Variants in MAP2K4 observed in about 807,000 individuals in gnomAD.
MAP2K4 encodes the protein dual specificity mitogen-activated protein kinase kinase 4.
In MAP2K4, 4 loss-of-function variants were observed where a neutral mutation model predicts 48.5. The ratio of observed to expected loss-of-function variants is 0.08; its 90% CI spans 0.04 to 0.19. MAP2K4 has a LOEUF of 0.19. MAP2K4 is among the 10% of genes least tolerant of loss of function. MAP2K4 has a pLI of 1.00. For synonymous variants in MAP2K4, 166 were observed against 173.1 expected, an observed-to-expected ratio of 0.96 and a Z score of 0.32; for missense variants, 258 against 493.3, an observed-to-expected ratio of 0.52 and a Z score of 4.52.
chr17:12,052,150 C>G (rs943035867), intron 1 of MAP2K4, among the ~76,000 whole-genome samples: 1 of 152,094 alleles, frequency 6.6e-6, no homozygotes, highest in African/African-American at 2.4e-5. Flanking sequence ...GTGCTAAGCT[C>G]GTTGGCACTT....
At chr17:12,066,229 A>G (rs894467666) in intron 2 of MAP2K4, among the ~76,000 whole-genome samples, 1 of 152,072 alleles carries the variant, frequency 6.6e-6, no homozygotes, top group Non-Finnish European at 1.5e-5. Context: ...CCCTTTAAAA[A>G]ATCAGTAGTA....
chr17:12,099,745 T>G (rs892908922), intron 4 of MAP2K4, among the ~76,000 whole-genome samples: 4 of 152,186 alleles, frequency 2.6e-5, no homozygotes, highest in African/African-American at 9.7e-5. Context: ...GAAGTAACTT[T>G]TAGCCTATAT....
At chr17:12,077,199 T>A (rs1272545505) in intron 2 of MAP2K4, among the ~76,000 whole-genome samples, 1 of 152,196 alleles carries the variant, frequency 6.6e-6, no homozygotes, top group Admixed American at 6.5e-5. Context: ...GGAAATACTT[T>A]TGGCCTGTTG....
chr17:12,078,425 G>A (rs1971081998), intron 2 of MAP2K4, among the ~76,000 whole-genome samples: 1 of 152,164 alleles, frequency 6.6e-6, no homozygotes, highest in Non-Finnish European at 1.5e-5. Flanking sequence ...TGGAGTATGT[G>A]AGATGTTTTG....
intron 1 of MAP2K4, among the ~76,000 whole-genome samples, chr17:12,029,408 A>G (rs1392547588): frequency 6.6e-6 from 1 of 152,222 alleles, no homozygotes; most frequent in Non-Finnish European, 1.5e-5. Context: ...AGGAAAAATG[A>G]AAAAGACTCA....
chr17:12,095,566 C>G lies in MAP2K4; in HGVS notation c.394-9C>G, dbSNP rs1310481189. The G allele has an allele frequency of 1.2e-6, 2 of 1,613,164 alleles. No individual in the cohort carries two copies. Among genetic ancestry groups the G allele is most frequent in the East Asian group, 2.2e-5 (1 of 44,796 alleles). On this transcript the variant is annotated splice_polypyrimidine_tract_variant and intron_variant, in intron 3 of 10. Coordinates refer to ENST00000353533, the MANE Select transcript of MAP2K4 (RefSeq NM_003010.4). Reference sequence around the variant, plus strand: ...TGTTTTTTTGACATCTTTTGTCATTCTTTTCCAGAGAATTCGGTCAACAGT... The same window carrying G: ...TGTTTTTTTGACATCTTTTGTCATTGTTTTCCAGAGAATTCGGTCAACAGT...
intron 4 of MAP2K4, among the ~76,000 whole-genome samples, chr17:12,104,822 A>G (rs917405255): frequency 1.3e-5 from 2 of 152,112 alleles, no homozygotes; most frequent in Non-Finnish European, 2.9e-5. Context: ...TTTTTTTCCT[A>G]TATAAAAGTC....
rs570680524 is a variant in MAP2K4 at position 12,091,516 on chromosome 17, T to G, written c.394-4059T>G. ...CTAAATTTGTGGCTGATCCAACCAA[T>G]GGCATGAGTTGGACTGACAGTTTTA... On this transcript the variant is annotated intron_variant, in intron 3 of 10. Coordinates refer to ENST00000353533, the MANE Select transcript of MAP2K4 (RefSeq NM_003010.4). 8.5e-5 allele frequency among the ~76,000 whole-genome samples: 13 copies of G among 152,348 alleles called. No individual in the cohort carries two copies. The South Asian group carries it at 2.7e-3, about 32-fold the overall frequency.
In MAP2K4 at chr17:12,141,066, T is replaced by C. The variant is rs3730340; in HGVS notation, c.1087-81T>C. The C allele has an allele frequency of 3.9e-3, 3,260 of 829,934 alleles. 50 individuals carry two copies. In the African/African-American group the frequency reaches 0.04, roughly 10 times the overall value. The allele number at this position is 829,934 out of a possible 1,614,324, so 51.4% of individuals were successfully genotyped here. ...ATGTGTGGTTGGGAGCCTGGAGTTC[T>C]ATGTTCTATAGAAATTGGAAAATGT... is the stretch of plus-strand genomic sequence containing the variant. On this transcript the variant is annotated intron_variant, in intron 10 of 10. Coordinates refer to ENST00000353533, the MANE Select transcript of MAP2K4 (RefSeq NM_003010.4).
intron 4 of MAP2K4, among the ~76,000 whole-genome samples, chr17:12,099,078 G>A (rs1297769454): frequency 6.6e-6 from 1 of 151,524 alleles, no homozygotes; most frequent in African/African-American, 2.4e-5. Flanking sequence ...TGTCTCCAAG[G>A]TCTCCAGTTC....
intron 1 of MAP2K4, among the ~76,000 whole-genome samples, chr17:12,030,948 T>C (rs1182959308): frequency 6.6e-6 from 1 of 152,196 alleles, no homozygotes; most frequent in Non-Finnish European, 1.5e-5. Context: ...TTCCTGAATG[T>C]AGTCAGCTCA....
chr17:12,032,420 C>A, intron 1 of MAP2K4: 1 of 409,954 alleles, frequency 2.4e-6, no homozygotes, highest in Non-Finnish European at 4.2e-6. Context: ...AAAGAGCTAC[C>A]ATTTTTCATT....
At chr17:12,127,160 A>G (rs554682829) in intron 8 of MAP2K4, among the ~76,000 whole-genome samples, 36 of 152,340 alleles carry the variant, frequency 2.4e-4, no homozygotes, top group African/African-American at 8.4e-4. Context: ...TTGAAGGCCA[A>G]CAGCTCACCT....
intron 9 of MAP2K4, among the ~76,000 whole-genome samples, chr17:12,136,850 A>C (rs1973227292): frequency 1.3e-5 from 2 of 152,122 alleles, no homozygotes. Flanking sequence ...AAAAATACTG[A>C]CAGAATGCTG....
intron 4 of MAP2K4, among the ~76,000 whole-genome samples, chr17:12,096,602 TA>T (rs1430019571): frequency 6.6e-6 from 1 of 152,240 alleles, no homozygotes; most frequent in Non-Finnish European, 1.5e-5. Context: ...CGAGTTGTTA[TA>T]AACTGGTAAG....
chr17:12,119,583 C>A lies in MAP2K4; in HGVS notation c.814-5711C>A, dbSNP rs569780242. Among the ~76,000 whole-genome samples, 306 of 152,270 alleles carry A rather than the reference C, an allele frequency of 2.0e-3. 1 individual carries two copies. The highest frequency in any genetic ancestry group is 7.1e-3 in the African/African-American group (295 of 41,558). On this transcript the variant is annotated intron_variant, in intron 7 of 10. Transcript: ENST00000353533. Reference sequence around the variant, plus strand: ...CATTGTGGAAAGCAGTGTGGTGATTCCTCAAAAAGCTAAAAACAGAATTGT... The same window carrying A: ...CATTGTGGAAAGCAGTGTGGTGATTACTCAAAAAGCTAAAAACAGAATTGT...
chr17:12,127,656 CAT>C, intron 8 of MAP2K4, among the ~76,000 whole-genome samples: 1 of 152,184 alleles, frequency 6.6e-6, no homozygotes, highest in Non-Finnish European at 1.5e-5. Context: ...TATTTTATGA[CAT>C]ACAGCCAACT....
At chr17:12,040,318 G>A (rs1411700813) in intron 1 of MAP2K4, among the ~76,000 whole-genome samples, 7 of 152,172 alleles carry the variant, frequency 4.6e-5, no homozygotes, top group African/African-American at 1.7e-4. Context: ...GCAAATTATA[G>A]TTAAGCCTTG....
chr17:12,143,312 T>C lies in MAP2K4; in HGVS notation c.*2052T>C, dbSNP rs1973434573. 1 of 232,832 alleles carries C rather than the reference T, an allele frequency of 4.3e-6. No individual in the cohort carries two copies. Among genetic ancestry groups the C allele is most frequent in the Non-Finnish European group, 8.5e-6 (1 of 117,558 alleles). 14.4% of individuals were successfully genotyped at this position (232,832 alleles called of 1,614,324 possible). A position where few individuals can be genotyped will look rare whatever the true frequency, so the allele number is the denominator to read the frequency against. ...GAGCTAATCTGACCGTTCTATTGTG[T>C]GGATGACCACATAAGAAGGCAATTT... On this transcript the variant is annotated 3_prime_UTR_variant, in exon 11 of 11. Coordinates refer to ENST00000353533, the MANE Select transcript of MAP2K4 (RefSeq NM_003010.4).
Sources: allele counts gnomAD v4.1 joint callset (sites outside exome capture counted in the v4.1 genomes callset), GRCh38; gene constraint gnomAD v4.1.1; transcripts MANE v1.5; gene names NCBI Gene and HGNC (gene_info 2026-07-23, HGNC 2026-07-21).